DCC: variants seen among roughly 807,000 people sequenced by gnomAD.
DCC encodes the protein DCC netrin 1 receptor, also known as netrin receptor DCC.
DCC carries 58 observed loss-of-function variants against 172.5 expected under a neutral mutation model. That is an observed-to-expected ratio of 0.34 (90% confidence interval 0.27 to 0.42). The LOEUF (loss-of-function observed/expected upper bound fraction) is 0.42, where lower values mean the gene tolerates loss of function less well. DCC is among the 10% of genes least tolerant of loss of function. The pLI, the probability that DCC is intolerant of heterozygous loss-of-function variation, is 1.00. For synonymous variants in DCC, 709 were observed against 644.5 expected (o/e 1.10, Z -1.52); for missense variants, 1,740 against 1,791.0 (o/e 0.97, Z 0.51).
chr18:53,267,081 T>A (rs974690844), intron 12 of DCC, among the ~76,000 whole-genome samples: 1 of 150,952 alleles, frequency 6.6e-6, no homozygotes, highest in African/African-American at 2.4e-5. Flanking sequence ...ATGTTTAACC[T>A]TTATATACAC....
chr18:52,663,743 T>C (rs918028683), intron 1 of DCC, among the ~76,000 whole-genome samples: 3 of 152,166 alleles, frequency 2.0e-5, no homozygotes, highest in Admixed American at 1.3e-4. Flanking sequence ...TCGCTTTCCA[T>C]AGTAGAAAGT....
chr18:52,770,023 T>C (rs987446583), intron 2 of DCC, among the ~76,000 whole-genome samples: 2 of 152,230 alleles, frequency 1.3e-5, no homozygotes, highest in African/African-American at 2.4e-5. Flanking sequence ...ATATATTTCA[T>C]ACACAGAGGA....
At chr18:53,373,674 TCCA>T (rs1315976891) in intron 15 of DCC, among the ~76,000 whole-genome samples, 2 of 152,160 alleles carry the variant, frequency 1.3e-5, no homozygotes, top group African/African-American at 4.8e-5. Context: ...TTACAATTTT[TCCA>T]CCTACTCAGG....
chr18:52,431,722 C>T (rs1029620629), intron 1 of DCC, among the ~76,000 whole-genome samples: 49 of 152,200 alleles, frequency 3.2e-4, no homozygotes, highest in African/African-American at 1.1e-3. Context: ...TCCTAAATTC[C>T]GAGGCCACAA....
At chr18:52,738,928 T>C (rs1161661904) in intron 1 of DCC, among the ~76,000 whole-genome samples, 1 of 151,792 alleles carries the variant, frequency 6.6e-6, no homozygotes, top group African/African-American at 2.4e-5. Flanking sequence ...AGAATGTTTT[T>C]GTAGAGATGG....
chr18:52,495,827 G>A (rs977083151), intron 1 of DCC, among the ~76,000 whole-genome samples: 2 of 150,850 alleles, frequency 1.3e-5, no homozygotes, highest in Non-Finnish European at 3.0e-5. Flanking sequence ...AATATTATTA[G>A]CAGCTAAGAA....
At chr18:52,923,903 T>C (rs762113929) in intron 4 of DCC, 46 bp downstream of exon 4, 9 of 1,333,714 alleles carry the variant, frequency 6.7e-6, no homozygotes, top group Non-Finnish European at 9.7e-6. Context: ...TTTTGTATGG[T>C]ATATGCTGCT....
At chr18:53,177,539 T>C (rs780939951) in intron 8 of DCC, among the ~76,000 whole-genome samples, 1 of 152,184 alleles carries the variant, frequency 6.6e-6, no homozygotes, top group Non-Finnish European at 1.5e-5. Flanking sequence ...TGTTACTGAT[T>C]GTCAGTTCTT....
intron 27 of DCC, among the ~76,000 whole-genome samples, chr18:53,502,508 TCTTAGA>T (rs1203922538): frequency 2.6e-5 from 4 of 152,338 alleles, no homozygotes; most frequent in East Asian, 1.9e-4. Flanking sequence ...ACTACATGCT[TCTTAGA>T]CTTAAAGATG....
At chr18:52,966,696 C>T (rs2040936750) in intron 5 of DCC, among the ~76,000 whole-genome samples, 1 of 152,140 alleles carries the variant, frequency 6.6e-6, no homozygotes, top group African/African-American at 2.4e-5. Context: ...TTCCATGGCT[C>T]CTACTGTTTG....
chr18:52,925,425 C>G, intron 5 of DCC, 55 bp downstream of exon 5: 1 of 1,556,038 alleles, frequency 6.4e-7, no homozygotes, highest in Non-Finnish European at 8.9e-7. Flanking sequence ...TATATCACCG[C>G]GACATTTTAA....
At chr18:52,989,029 C>T (rs1033539061) in intron 5 of DCC, among the ~76,000 whole-genome samples, 2 of 151,922 alleles carry the variant, frequency 1.3e-5, no homozygotes, top group African/African-American at 4.8e-5. Flanking sequence ...GAGAACATCC[C>T]TTCTATTTGA....
intron 1 of DCC, among the ~76,000 whole-genome samples, chr18:52,632,492 T>A (rs1292350751): frequency 6.6e-6 from 1 of 152,224 alleles, no homozygotes. Flanking sequence ...AAATTTCTGT[T>A]TTGCCATTTG....
At chr18:53,206,956 T>G (rs1021610528) in intron 10 of DCC, among the ~76,000 whole-genome samples, 1 of 152,106 alleles carries the variant, frequency 6.6e-6, no homozygotes, top group African/African-American at 2.4e-5. Context: ...TTACAAGAGC[T>G]CCTCCTATGT....
chr18:52,416,924 G>T (rs1987054128), intron 1 of DCC, among the ~76,000 whole-genome samples: 3 of 151,944 alleles, frequency 2.0e-5, no homozygotes, highest in Admixed American at 2.0e-4. Flanking sequence ...TATGATGTTA[G>T]CTGGTTATTT....
At chr18:52,556,040 A>G (rs1442500132) in intron 1 of DCC, among the ~76,000 whole-genome samples, 2 of 152,298 alleles carry the variant, frequency 1.3e-5, no homozygotes, top group Non-Finnish European at 1.5e-5. Flanking sequence ...TGAAGAATAT[A>G]CAATTTATTT....
intron 1 of DCC, among the ~76,000 whole-genome samples, chr18:52,418,931 G>A (rs1461875202): frequency 7.0e-6 from 1 of 142,728 alleles, no homozygotes; most frequent in African/African-American, 2.6e-5. Flanking sequence ...CGCGATCTCG[G>A]ATCACTGCAA....
chr18:52,818,995 T>C (rs976181270), intron 2 of DCC, among the ~76,000 whole-genome samples: 1 of 152,174 alleles, frequency 6.6e-6, no homozygotes, highest in Admixed American at 6.5e-5. Context: ...ACTACGGAGT[T>C]AGGCAAATAA....
At chr18:53,116,734 T>G (rs2043414379) in intron 7 of DCC, among the ~76,000 whole-genome samples, 2 of 151,710 alleles carry the variant, frequency 1.3e-5, no homozygotes, top group South Asian at 4.1e-4. Context: ...TCATTCTTTG[T>G]AAAAATTAAT....
Sources: allele counts gnomAD v4.1 joint callset (sites outside exome capture counted in the v4.1 genomes callset), GRCh38; gene constraint gnomAD v4.1.1; transcripts MANE v1.5; gene names NCBI Gene and HGNC (gene_info 2026-07-23, HGNC 2026-07-21).